Variants in RASGRP3 observed in about 807,000 individuals in gnomAD.
RASGRP3 encodes ras guanyl-releasing protein 3.
In RASGRP3, 54 loss-of-function variants were observed where a neutral mutation model predicts 82.7. The observed-to-expected ratio is 0.65, with a 90% CI of 0.52 to 0.82. The LOEUF (loss-of-function observed/expected upper bound fraction) is 0.82. RASGRP3 is among the 40% of genes least tolerant of loss of function. The pLI, the probability that RASGRP3 is intolerant of heterozygous loss-of-function variation, is 0.00. For synonymous variants in RASGRP3, 309 were observed against 300.5 expected (o/e 1.03, Z -0.29); for missense variants, 861 against 828.9 (o/e 1.04, Z -0.48).
intron 12 of RASGRP3, among the ~76,000 whole-genome samples, chr2:33,543,228 T>G (rs1674436552): frequency 6.6e-6 from 1 of 152,172 alleles, no homozygotes; most frequent in African/African-American, 2.4e-5. Flanking sequence ...TTGCTCAGGC[T>G]GGTCTCAAAC....
At chr2:33,477,997 C>T (rs536655971) in intron 1 of RASGRP3, among the ~76,000 whole-genome samples, 17 of 152,238 alleles carry the variant, frequency 1.1e-4, no homozygotes, top group African/African-American at 3.9e-4. Flanking sequence ...GGTTTTCTTT[C>T]GCCCTCTGCC....
At chr2:33,472,793 A>G (rs910745023), upstream of RASGRP3, among the ~76,000 whole-genome samples, 1 of 150,124 alleles carries the variant, frequency 6.7e-6, no homozygotes, top group Non-Finnish European at 1.5e-5. Flanking sequence ...CGTCTCTACT[A>G]AAAACATGAA....
At chr2:33,551,401 G>A (rs1675344325) in intron 14 of RASGRP3, among the ~76,000 whole-genome samples, 1 of 152,190 alleles carries the variant, frequency 6.6e-6, no homozygotes, top group Non-Finnish European at 1.5e-5. Flanking sequence ...TCTGATGTGG[G>A]ATGGGGCCGT....
At chr2:33,525,572 T>A (rs1462418103) in intron 9 of RASGRP3, among the ~76,000 whole-genome samples, 2 of 151,540 alleles carry the variant, frequency 1.3e-5, no homozygotes, top group Non-Finnish European at 2.9e-5. Flanking sequence ...AATAAGCAAA[T>A]GTATCGTCCA....
chr2:33,442,883 G>GTTT (rs55978823), intron 1 of RASGRP3, among the ~76,000 whole-genome samples: 2 of 138,562 alleles, frequency 1.4e-5, no homozygotes, highest in Non-Finnish European at 1.6e-5. Context: ...AATCACTATT[G>GTTT]TTTTTTTTTT....
At chr2:33,557,881 T>C (rs76577462) in intron 15 of RASGRP3, among the ~76,000 whole-genome samples, 2 of 152,088 alleles carry the variant, frequency 1.3e-5, no homozygotes, top group Non-Finnish European at 2.9e-5. Context: ...CTCAACCCCA[T>C]TTGATTTGCA....
chr2:33,559,609 T>A (rs996373133), intron 17 of RASGRP3: 1 of 518,730 alleles, frequency 1.9e-6, no homozygotes, highest in African/African-American at 1.9e-5. Context: ...TAGAGTATGC[T>A]GACACAGAAA....
chr2:33,523,199 C>T (rs1212543899), intron 7 of RASGRP3, among the ~76,000 whole-genome samples: 1 of 152,046 alleles, frequency 6.6e-6, no homozygotes, highest in Non-Finnish European at 1.5e-5. Context: ...CTTGGCCGGG[C>T]GCGCCTTTAA....
intron 1 of RASGRP3, among the ~76,000 whole-genome samples, chr2:33,437,725 T>C (rs1665000671): frequency 6.6e-6 from 1 of 152,152 alleles, no homozygotes; most frequent in Non-Finnish European, 1.5e-5. Flanking sequence ...AATTTAAGGG[T>C]TATTTTTTAC....
Position 33,563,468 on chromosome 2 carries a change from T to TAATA in RASGRP3, c.*732_*735dup, listed in dbSNP as rs953619889. 2.0e-5 allele frequency: 3 copies of TAATA among 149,498 alleles called. No individual in the cohort carries two copies. Among genetic ancestry groups the TAATA allele is most frequent in the African/African-American group, 4.9e-5 (2 of 41,192 alleles). 9.3% of individuals were successfully genotyped at this position (149,498 alleles called of 1,614,324 possible). ...TATAGCATGGTCGTGAAAGCTCTCC[T>TAATA]AATACTTACTTAAATAGCCATGGAA... On this transcript the variant is annotated 3_prime_UTR_variant, in exon 18 of 18. Transcript: ENST00000403687.
intron 17 of RASGRP3, chr2:33,559,521 T>C (rs897484162): frequency 6.3e-6 from 3 of 478,716 alleles, no homozygotes; most frequent in African/African-American, 5.9e-5. Flanking sequence ...TACGAGGCCC[T>C]TGAGGATCTC....
chr2:33,500,271 G>A, intron 1 of RASGRP3, among the ~76,000 whole-genome samples: 1 of 152,138 alleles, frequency 6.6e-6, no homozygotes, highest in East Asian at 1.9e-4. Flanking sequence ...AGACCACAGG[G>A]AACTGTGGAA....
At chr2:33,504,068 A>T (rs994178866) in intron 1 of RASGRP3, among the ~76,000 whole-genome samples, 2 of 152,112 alleles carry the variant, frequency 1.3e-5, no homozygotes, top group African/African-American at 4.8e-5. Flanking sequence ...TTGTTGTCTC[A>T]TGTGTATTCC....
intron 14 of RASGRP3, 162 bp from the exon 15 acceptor site, chr2:33,555,369 G>A (rs371316431): frequency 2.9e-5 from 15 of 518,094 alleles, no homozygotes; most frequent in South Asian, 1.2e-4. Context: ...GGAAGGGGCC[G>A]GGAGAGGGTT....
chr2:33,502,041 G>C (rs2150981974), intron 1 of RASGRP3, among the ~76,000 whole-genome samples: 1 of 152,310 alleles, frequency 6.6e-6, no homozygotes, highest in South Asian at 2.1e-4. Flanking sequence ...GGTCTGAAGA[G>C]AGGATCAAAT....
chr2:33,537,320 A>ACACCACC (rs771052774), intron 11 of RASGRP3, among the ~76,000 whole-genome samples: 1 of 33,324 alleles, frequency 3.0e-5, no homozygotes, highest in African/African-American at 1.5e-4. Context: ...ACACACACAC[A>ACACCACC]CCGCCCCCCC....
At chr2:33,544,829 C>G (rs1209970627) in intron 13 of RASGRP3, among the ~76,000 whole-genome samples, 1 of 151,592 alleles carries the variant, frequency 6.6e-6, no homozygotes, top group Non-Finnish European at 1.5e-5. Flanking sequence ...AACCTTGTCT[C>G]TAACTATTTT....
intron 2 of RASGRP3, among the ~76,000 whole-genome samples, chr2:33,462,759 C>T (rs972735119): frequency 6.6e-6 from 1 of 152,222 alleles, no homozygotes; most frequent in African/African-American, 2.4e-5. Flanking sequence ...TAAGCTATCA[C>T]ACATTTCAAG....
intron 1 of RASGRP3, among the ~76,000 whole-genome samples, chr2:33,445,234 A>G (rs1009677804): frequency 3.3e-5 from 5 of 152,244 alleles, no homozygotes; most frequent in African/African-American, 9.6e-5. Flanking sequence ...GGATAAAATC[A>G]GAAGACACTG....
Sources: gnomAD v4.1 joint callset for allele counts (sites outside exome capture counted in the v4.1 genomes callset) on GRCh38, gnomAD v4.1.1 for gene constraint, MANE v1.5 for transcripts, NCBI Gene and HGNC (gene_info 2026-07-23, HGNC 2026-07-21) for gene names.